The following MGAT4C variants were observed in gnomAD, a reference collection of about 807,000 sequenced individuals.
MGAT4C encodes MGAT4 family member C, also known as alpha-1,3-mannosyl-glycoprotein 4-beta-N-acetylglucosaminyltransferase C.
Under a neutral mutation model 40.1 loss-of-function variants are expected in MGAT4C, and 19 were observed. The observed-to-expected ratio is 0.47, with a 90% CI of 0.33 to 0.70. MGAT4C has a LOEUF of 0.70. Ranked by LOEUF, MGAT4C falls within the 30% of genes least tolerant of loss-of-function variation. The pLI is 0.02. For synonymous variants in MGAT4C, 181 were observed against 187.1 expected, an observed-to-expected ratio of 0.97 and a Z score of 0.27; for missense variants, 491 against 563.2, an observed-to-expected ratio of 0.87 and a Z score of 1.30.
chr12:86,719,187 C>T (rs1950698621), intron 2 of MGAT4C, among the ~76,000 whole-genome samples: 1 of 152,178 alleles, frequency 6.6e-6, no homozygotes, highest in Non-Finnish European at 1.5e-5. Context: ...AGTACTTATA[C>T]TTTCACTACG....
At chr12:86,442,715 G>A (rs982779347) in intron 2 of MGAT4C, among the ~76,000 whole-genome samples, 1 of 150,910 alleles carries the variant, frequency 6.6e-6, no homozygotes, top group Non-Finnish European at 1.5e-5. Flanking sequence ...TCTCTGTTTT[G>A]GTACCAGTAC....
intron 1 of MGAT4C, among the ~76,000 whole-genome samples, chr12:86,110,267 A>ACTATATATATATAGT (rs1555224731): frequency 0.019 from 505 of 25,952 alleles, 11 homozygotes; most frequent in Middle Eastern, 0.024. Flanking sequence ...ATATATATAG[A>ACTATATATATATAGT]CTATATATAT....
chr12:86,530,874 C>T (rs1329034069), intron 2 of MGAT4C, among the ~76,000 whole-genome samples: 2 of 151,942 alleles, frequency 1.3e-5, no homozygotes, highest in Admixed American at 6.6e-5. Flanking sequence ...TATTATGTAC[C>T]ATATATACAC....
intron 2 of MGAT4C, among the ~76,000 whole-genome samples, chr12:86,601,693 C>T (rs1406081583): frequency 6.6e-6 from 1 of 152,134 alleles, no homozygotes; most frequent in Non-Finnish European, 1.5e-5. Context: ...AAGGCCTGTA[C>T]CACTATTAAC....
chr12:86,815,621 C>T (rs1952586473), intron 1 of MGAT4C, among the ~76,000 whole-genome samples: 1 of 150,728 alleles, frequency 6.6e-6, no homozygotes. Context: ...GATAAGGAAA[C>T]TGTGATATTA....
At chr12:86,162,136 A>T (rs1885658661) in intron 1 of MGAT4C, among the ~76,000 whole-genome samples, 2 of 152,204 alleles carry the variant, frequency 1.3e-5, no homozygotes, top group Non-Finnish European at 2.9e-5. Context: ...GAGCAATCCT[A>T]TTACTGGGTG....
chr12:86,718,016 C>A (rs986312644), intron 2 of MGAT4C, among the ~76,000 whole-genome samples: 1 of 152,122 alleles, frequency 6.6e-6, no homozygotes, highest in Non-Finnish European at 1.5e-5. Context: ...AGACATCTGG[C>A]AGTGTCTGTA....
intron 3 of MGAT4C, among the ~76,000 whole-genome samples, chr12:86,384,337 T>C (rs1320994712): frequency 1.3e-5 from 2 of 152,182 alleles, no homozygotes; most frequent in African/African-American, 4.8e-5. Flanking sequence ...GTGATTGTAA[T>C]TTGCAGGATT....
intron 2 of MGAT4C, among the ~76,000 whole-genome samples, chr12:86,031,893 G>C (rs1592731146): frequency 6.6e-6 from 1 of 151,898 alleles, no homozygotes; most frequent in East Asian, 1.9e-4. Context: ...CTGATAGGTA[G>C]TTTTTTGATC....
chr12:86,582,142 T>C (rs1960805859), intron 2 of MGAT4C, among the ~76,000 whole-genome samples: 1 of 151,476 alleles, frequency 6.6e-6, no homozygotes, highest in African/African-American at 2.4e-5. Context: ...AAAGCATTAT[T>C]ATTAATGATA....
intron 1 of MGAT4C, among the ~76,000 whole-genome samples, chr12:86,077,968 C>T (rs1870092376): frequency 6.6e-6 from 1 of 152,130 alleles, no homozygotes; most frequent in African/African-American, 2.4e-5. Context: ...TTAATGGAAT[C>T]GTTGTTGTTC....
intron 2 of MGAT4C, among the ~76,000 whole-genome samples, chr12:86,492,893 C>G (rs920772684): frequency 2.0e-5 from 3 of 152,110 alleles, no homozygotes; most frequent in Admixed American, 2.0e-4. Context: ...TTGCAACCTA[C>G]TCATCTGACA....
intron 1 of MGAT4C, among the ~76,000 whole-genome samples, chr12:86,239,918 C>T (rs1017964107): frequency 6.7e-6 from 1 of 150,254 alleles, no homozygotes; most frequent in East Asian, 2.0e-4. Context: ...GGAGATATAC[C>T]TAATGCTAGA....
chr12:86,043,135 G>C (rs577112577), intron 2 of MGAT4C, among the ~76,000 whole-genome samples: 1 of 152,204 alleles, frequency 6.6e-6, no homozygotes, highest in South Asian at 2.1e-4. Context: ...TAGTGAAGTT[G>C]GGGAAATTTT....
intron 2 of MGAT4C, among the ~76,000 whole-genome samples, chr12:86,667,279 A>G (rs888858669): frequency 3.9e-5 from 6 of 152,178 alleles, no homozygotes; most frequent in Non-Finnish European, 7.4e-5. Context: ...GAGGATTTGG[A>G]ACATGCTTGT....
At chr12:86,600,512 C>G (rs1961727983) in intron 2 of MGAT4C, among the ~76,000 whole-genome samples, 1 of 152,146 alleles carries the variant, frequency 6.6e-6, no homozygotes, top group Non-Finnish European at 1.5e-5. Flanking sequence ...ATTAGGATGT[C>G]ACAAATCTCG....
chr12:86,152,775 T>C (rs1016391445), intron 1 of MGAT4C, among the ~76,000 whole-genome samples: 1 of 152,260 alleles, frequency 6.6e-6, no homozygotes, highest in African/African-American at 2.4e-5. Flanking sequence ...AGCCAAGTAA[T>C]GTCCTTGTTA....
intron 2 of MGAT4C, among the ~76,000 whole-genome samples, chr12:86,635,371 C>G (rs553865777): frequency 6.6e-6 from 1 of 152,136 alleles, no homozygotes; most frequent in East Asian, 1.9e-4. Context: ...TGATGTTGGC[C>G]TGTTCAGTTA....
chr12:86,123,940 A>T (rs1879845936), intron 1 of MGAT4C, among the ~76,000 whole-genome samples: 1 of 152,120 alleles, frequency 6.6e-6, no homozygotes, highest in African/African-American at 2.4e-5. Flanking sequence ...ATGTAGGAAA[A>T]AAATAGTCCC....
Sources: gnomAD v4.1 joint callset for allele counts (sites outside exome capture counted in the v4.1 genomes callset) on GRCh38, gnomAD v4.1.1 for gene constraint, MANE v1.5 for transcripts, NCBI Gene and HGNC (gene_info 2026-07-23, HGNC 2026-07-21) for gene names.